The following IL1RAPL1 variants were observed in gnomAD, a reference collection of about 807,000 sequenced individuals.
IL1RAPL1 encodes the protein interleukin-1 receptor accessory protein-like 1.
IL1RAPL1 carries 3 observed loss-of-function variants against 48.4 expected under a neutral mutation model. The ratio of observed to expected loss-of-function variants is 0.06; its 90% CI spans 0.03 to 0.16. The LOEUF is 0.16. Among genes scored for constraint, IL1RAPL1 ranks in the 10% least tolerant of loss-of-function variants. The pLI is 1.00. For missense variants in IL1RAPL1, 349 were observed against 530.6 expected, an observed-to-expected ratio of 0.66 and a Z score of 3.36; for synonymous variants, 185 against 187.7, an observed-to-expected ratio of 0.99 and a Z score of 0.12.
At chrX:29,661,928 C>T (rs1033010934) in intron 5 of IL1RAPL1, among the ~76,000 whole-genome samples, 1 of 111,615 alleles carries the variant, frequency 9.0e-6, no homozygotes, top group Non-Finnish European at 1.9e-5. Context: ...ACATCTTCCT[C>T]CCTGCCTTCC....
intron 2 of IL1RAPL1, among the ~76,000 whole-genome samples, chrX:29,045,522 G>A (rs144674094): frequency 1.7e-3 from 188 of 112,107 alleles, no homozygotes; most frequent in African/African-American, 5.9e-3. Flanking sequence ...CTGGAGTGCA[G>A]TGGTACAATC....
intron 9 of IL1RAPL1, among the ~76,000 whole-genome samples, chrX:29,944,274 AC>A (rs1314824153): frequency 9.0e-6 from 1 of 111,156 alleles, no homozygotes; most frequent in Non-Finnish European, 1.9e-5. Context: ...TATTACTAGA[AC>A]CGCAATCACA....
At chrX:29,559,443 G>T (rs1375433083) in intron 5 of IL1RAPL1, among the ~76,000 whole-genome samples, 2 of 111,879 alleles carry the variant, frequency 1.8e-5, no homozygotes, top group Non-Finnish European at 3.8e-5. Context: ...CCGCAGTGAA[G>T]CCATTTGATC....
rs183146301 is a variant in IL1RAPL1 at position 29,502,365 on chromosome X, G to A, written c.703+103057G>A. On this transcript the variant is annotated intron_variant, in intron 5 of 10. Transcript: ENST00000378993. ...GACTTCCATTATTATATCGAATAAA[G>A]GTAGTGAAAGTGCGCATCCTTGTCT... Among the ~76,000 whole-genome samples, 13 of 111,105 alleles carry A rather than the reference G, an allele frequency of 1.2e-4. No individual in the cohort carries two copies. In the East Asian group the frequency reaches 3.1e-3, roughly 27 times the overall value.
intron 1 of IL1RAPL1, among the ~76,000 whole-genome samples, chrX:28,606,316 T>G (rs1330634770): frequency 2.7e-5 from 3 of 112,252 alleles, no homozygotes; most frequent in Non-Finnish European, 3.8e-5. Context: ...CTGACATAAA[T>G]TAAGGGCTTA....
chrX:28,789,434 T>C lies in IL1RAPL1; in HGVS notation c.82+9T>C. On this transcript the variant is annotated intron_variant, in intron 2 of 10. Transcript: ENST00000378993. The stretch of plus-strand genomic sequence containing the variant: ...GACCAAAAGAGGCTCCGGTAAGCAG[T>C]ATTCCTCTATTTTTTATGTGTTTTT... 1.7e-6 allele frequency: 2 copies of C among 1,151,859 alleles called. No homozygotes were observed. Among genetic ancestry groups the C allele is most frequent in the East Asian group, 6.0e-5 (2 of 33,561 alleles). 94.9% of individuals were successfully genotyped at this position (1,151,859 alleles called of 1,213,427 possible).
chrX:28,762,976 G>A (rs779220017), intron 1 of IL1RAPL1, among the ~76,000 whole-genome samples: 5 of 110,961 alleles, frequency 4.5e-5, no homozygotes, highest in Admixed American at 1.9e-4. Context: ...ACATTTTTAG[G>A]CAAGTTTTCT....
At chrX:29,073,438 C>T (rs892137533) in intron 2 of IL1RAPL1, among the ~76,000 whole-genome samples, 1 of 111,552 alleles carries the variant, frequency 9.0e-6, no homozygotes, top group Non-Finnish European at 1.9e-5. Context: ...TTGATTACAC[C>T]GTTTTTCATT....
chrX:28,747,240 T>C (rs1935990407), intron 1 of IL1RAPL1, among the ~76,000 whole-genome samples: 1 of 111,784 alleles, frequency 8.9e-6, no homozygotes, highest in African/African-American at 3.3e-5. Flanking sequence ...TTTCTTCTTA[T>C]GAGTTCTGAT....
intron 2 of IL1RAPL1, among the ~76,000 whole-genome samples, chrX:28,946,976 C>G (rs1173311924): frequency 8.9e-6 from 1 of 111,909 alleles, no homozygotes; most frequent in Non-Finnish European, 1.9e-5. Flanking sequence ...AAACTGAATG[C>G]TAATAAGCAC....
At chrX:29,123,904 A>G (rs1157410589) in intron 2 of IL1RAPL1, among the ~76,000 whole-genome samples, 1 of 110,448 alleles carries the variant, frequency 9.1e-6, no homozygotes, top group Non-Finnish European at 1.9e-5. Flanking sequence ...AATATTTTAG[A>G]TAGATTGTGT....
chrX:28,692,923 C>A (rs1307087350), intron 1 of IL1RAPL1, among the ~76,000 whole-genome samples: 3 of 111,164 alleles, frequency 2.7e-5, no homozygotes, highest in Non-Finnish European at 5.7e-5. Flanking sequence ...TTATGGAGTA[C>A]AGTGTGATAT....
rs774096881 is a variant in IL1RAPL1 at position 29,336,968 on chromosome X, A to G, written c.362+53751A>G. Among the ~76,000 whole-genome samples, 14 of 110,692 alleles carry G rather than the reference A, an allele frequency of 1.3e-4. No homozygotes were observed. In the East Asian group the frequency reaches 3.4e-3, roughly 27 times the overall value. ...TGGGTGGAGAGGAATTCTGGTTTCT[A>G]TGTCACACTTTGGAGGAGAAAGGGG... On this transcript the variant is annotated intron_variant, in intron 3 of 10. Coordinates refer to ENST00000378993, the MANE Select transcript of IL1RAPL1 (RefSeq NM_014271.4).
At chrX:29,802,794 T>C (rs1291048841) in intron 6 of IL1RAPL1, among the ~76,000 whole-genome samples, 2 of 42,013 alleles carry the variant, frequency 4.8e-5, no homozygotes, top group Non-Finnish European at 7.4e-5. Context: ...TGTGTGTGTA[T>C]ATATATATAT....
In IL1RAPL1 at chrX:29,323,184, C is replaced by T. The variant is rs182464111; in HGVS notation, c.362+39967C>T. Among the ~76,000 whole-genome samples, 185 of 111,557 alleles carry T rather than the reference C, an allele frequency of 1.7e-3. 1 individual carries two copies. The highest frequency in any genetic ancestry group is 5.9e-3 in the African/African-American group (181 of 30,719). Reference sequence around the variant, plus strand: ...GGTCATCTTCATCTTTTCCTCTCTACTGTAGAACTGCCATTTTATTTTTCT... The same window carrying T: ...GGTCATCTTCATCTTTTCCTCTCTATTGTAGAACTGCCATTTTATTTTTCT... On this transcript the variant is annotated intron_variant, in intron 3 of 10. Coordinates refer to ENST00000378993, the MANE Select transcript of IL1RAPL1 (RefSeq NM_014271.4).
intron 2 of IL1RAPL1, among the ~76,000 whole-genome samples, chrX:29,197,106 C>T (rs552652801): frequency 3.1e-4 from 34 of 110,594 alleles, no homozygotes; most frequent in African/African-American, 1.1e-3. Context: ...TCTATAAAGC[C>T]TAAATATATG....
intron 2 of IL1RAPL1, among the ~76,000 whole-genome samples, chrX:29,194,084 A>T (rs1235559419): frequency 8.9e-6 from 1 of 112,040 alleles, no homozygotes; most frequent in African/African-American, 3.2e-5. Flanking sequence ...CTAGGAAATT[A>T]GGTATATCAT....
intron 6 of IL1RAPL1, among the ~76,000 whole-genome samples, chrX:29,809,672 G>A (rs1930339850): frequency 9.1e-6 from 1 of 110,294 alleles, no homozygotes; most frequent in Non-Finnish European, 1.9e-5. Context: ...TTATTGTGGT[G>A]GTTGTTCAAT....
chrX:28,691,062 G>A (rs982374878), intron 1 of IL1RAPL1, among the ~76,000 whole-genome samples: 3 of 111,277 alleles, frequency 2.7e-5, no homozygotes, highest in Admixed American at 9.6e-5. Context: ...AACGAAGGTC[G>A]TGACCTTCAG....
Sources: allele counts gnomAD v4.1 joint callset (sites outside exome capture counted in the v4.1 genomes callset), GRCh38; gene constraint gnomAD v4.1.1; transcripts MANE v1.5; gene names NCBI Gene and HGNC (gene_info 2026-07-23, HGNC 2026-07-21).